Variants in DMD observed in about 807,000 individuals in gnomAD.
The protein encoded by DMD is mutant dystrophin.
A neutral mutation model predicts 330.1 loss-of-function variants in DMD; 63 were observed. That is an observed-to-expected ratio of 0.19 (90% CI 0.16 to 0.24). DMD has a LOEUF of 0.24. Ranked by LOEUF, DMD falls within the 10% of genes least tolerant of loss-of-function variation. The pLI, the probability that DMD is intolerant of heterozygous loss-of-function variation, is 1.00. For missense variants in DMD, 3,344 were observed against 2,684.1 expected, an observed-to-expected ratio of 1.25 and a Z score of -5.43; for synonymous variants, 1,223 against 959.8, an observed-to-expected ratio of 1.27 and a Z score of -5.07.
At chrX:32,205,882 G>A (rs774088056) in intron 44 of DMD, 6 of 314,369 alleles carry the variant, frequency 1.9e-5, no homozygotes, top group South Asian at 1.6e-4. Flanking sequence ...ACCTAAGTGC[G>A]TCCTGCCACC....
At chrX:33,309,825 C>CA (rs1337448948) in intron 1 of DMD, among the ~76,000 whole-genome samples, 6 of 110,295 alleles carry the variant, frequency 5.4e-5, no homozygotes, top group Admixed American at 1.9e-4. Context: ...AAAATTATAA[C>CA]AAAAAAAGTA....
chrX:31,923,952 G>C (rs1488662632), intron 47 of DMD, among the ~76,000 whole-genome samples: 1 of 111,894 alleles, frequency 8.9e-6, no homozygotes. Context: ...AAAACTGTGT[G>C]AACTGTGTTA....
chrX:32,614,220 C>T (rs1399062722), intron 12 of DMD, 83 bp downstream of exon 12: 2 of 941,400 alleles, frequency 2.1e-6, no homozygotes, highest in Admixed American at 2.8e-5. Flanking sequence ...TCCCATCAAC[C>T]ATGTCATCTG....
chrX:31,381,818 G>A (rs890056009), intron 60 of DMD, among the ~76,000 whole-genome samples: 37 of 111,742 alleles, frequency 3.3e-4, no homozygotes, highest in African/African-American at 1.1e-3. Flanking sequence ...TATCCTCAAA[G>A]AAATAACTTC....
intron 55 of DMD, among the ~76,000 whole-genome samples, chrX:31,609,816 T>TA (rs1415220501): frequency 4.5e-5 from 5 of 111,422 alleles, no homozygotes; most frequent in African/African-American, 1.6e-4. Context: ...GGTAGGTCGA[T>TA]AGCCTGAGTT....
At chrX:32,133,518 A>G (rs2096709620) in intron 44 of DMD, among the ~76,000 whole-genome samples, 1 of 111,740 alleles carries the variant, frequency 8.9e-6, no homozygotes, top group Non-Finnish European at 1.9e-5. Flanking sequence ...TATTTATTCA[A>G]TTGCCTATTC....
chrX:31,834,373 G>A (rs889349999), intron 49 of DMD, among the ~76,000 whole-genome samples: 8 of 111,654 alleles, frequency 7.2e-5, no homozygotes, highest in African/African-American at 1.3e-4. Flanking sequence ...AAAGTTGTGC[G>A]TGAGTCAACT....
intron 1 of DMD, among the ~76,000 whole-genome samples, chrX:33,226,691 A>G (rs1033520436): frequency 1.8e-5 from 2 of 110,937 alleles, no homozygotes; most frequent in Non-Finnish European, 3.8e-5. Context: ...ATTGTTCTAT[A>G]GTTCTGTGAC....
At chrX:32,150,302 C>A (rs1473199569) in intron 44 of DMD, among the ~76,000 whole-genome samples, 3 of 112,377 alleles carry the variant, frequency 2.7e-5, no homozygotes, top group Non-Finnish European at 5.6e-5. Flanking sequence ...GCAACACTCA[C>A]TGGCACTCTC....
At chrX:32,325,738 T>TA (rs2097647534) in intron 41 of DMD, among the ~76,000 whole-genome samples, 2 of 110,875 alleles carry the variant, frequency 1.8e-5, no homozygotes, top group East Asian at 5.7e-4. Flanking sequence ...AGCCAATGGC[T>TA]AATAGCACTC....
intron 7 of DMD, among the ~76,000 whole-genome samples, chrX:32,789,186 T>C (rs980779161): frequency 1.8e-5 from 2 of 112,062 alleles, no homozygotes; most frequent in African/African-American, 6.5e-5. Flanking sequence ...AAGAGAATGT[T>C]TTGATGGCCA....
rs772630824 is a variant in DMD at position 33,009,339 on chromosome X, C to CATATGTGTATGTGTGTATAT, written c.93+10799_93+10800insATATACACACATACACATAT. Reference sequence around the variant, plus strand: ...GTATATGTGTATATGTGTATATACACGTGTATATACACATGTGTGTATATG... The same window carrying CATATGTGTATGTGTGTATAT: ...GTATATGTGTATATGTGTATATACACATATGTGTATGTGTGTATATGTGTATATACACATGTGTGTATATG... On this transcript the variant is annotated intron_variant, in intron 2 of 78. Transcript: ENST00000357033. Among the ~76,000 whole-genome samples the CATATGTGTATGTGTGTATAT allele has an allele frequency of 1.8e-4, 4 of 22,660 alleles. 1 individual carries two copies. Among genetic ancestry groups the CATATGTGTATGTGTGTATAT allele is most frequent in the Admixed American group, 8.2e-4 (2 of 2,441 alleles). 19.7% of individuals were successfully genotyped at this position (22,660 alleles called of 115,157 possible).
intron 44 of DMD, among the ~76,000 whole-genome samples, chrX:32,154,057 G>A (rs2096818755): frequency 8.9e-6 from 1 of 111,930 alleles, no homozygotes; most frequent in Non-Finnish European, 1.9e-5. Flanking sequence ...CATTTCCAAA[G>A]TAAACCTCAC....
At chrX:32,167,056 C>G (rs1046378543) in intron 44 of DMD, among the ~76,000 whole-genome samples, 3 of 111,346 alleles carry the variant, frequency 2.7e-5, no homozygotes, top group African/African-American at 6.5e-5. Flanking sequence ...ATGATCTGCT[C>G]GATGCTCTCT....
chrX:32,524,219 C>A (rs537330558), intron 17 of DMD, among the ~76,000 whole-genome samples: 2 of 111,902 alleles, frequency 1.8e-5, no homozygotes, highest in South Asian at 7.4e-4. Flanking sequence ...CAGGCGTGAG[C>A]CACCGCGCCC....
intron 51 of DMD, among the ~76,000 whole-genome samples, chrX:31,771,222 T>C (rs1210495996): frequency 1.8e-5 from 2 of 110,627 alleles, no homozygotes; most frequent in South Asian, 3.8e-4. Context: ...TAGGGCCATT[T>C]TACCGACAAT....
At chrX:32,279,986 A>ATATATATATATGTACCCTACG (rs2097409224) in intron 43 of DMD, among the ~76,000 whole-genome samples, 1 of 80,538 alleles carries the variant, frequency 1.2e-5, no homozygotes, top group Non-Finnish European at 2.5e-5. Flanking sequence ...TGTACCCCAC[A>ATATATATATATGTACCCTACG]TATATATATA....
intron 7 of DMD, among the ~76,000 whole-genome samples, chrX:32,709,600 C>T (rs988803807): frequency 4.5e-5 from 5 of 110,800 alleles, no homozygotes; most frequent in African/African-American, 9.8e-5. Flanking sequence ...TCTCAAATAC[C>T]GAAGGCCATT....
At chrX:32,585,524 A>AC (rs932454370) in intron 13 of DMD, among the ~76,000 whole-genome samples, 1 of 107,455 alleles carries the variant, frequency 9.3e-6, no homozygotes, top group Non-Finnish European at 1.9e-5. Flanking sequence ...ACACAGTGAA[A>AC]CCCATCTCTA....
Sources: allele counts gnomAD v4.1 joint callset (sites outside exome capture counted in the v4.1 genomes callset), GRCh38; gene constraint gnomAD v4.1.1; transcripts MANE v1.5; gene names NCBI Gene and HGNC (gene_info 2026-07-23, HGNC 2026-07-21).